The following NDUFA5 variants were observed in gnomAD, a reference collection of about 807,000 sequenced individuals.
NDUFA5 encodes the protein NADH:ubiquinone oxidoreductase subunit A5, also known as NADH dehydrogenase [ubiquinone] 1 alpha subcomplex subunit 5.
NDUFA5 carries 11 observed loss-of-function variants against 19.8 expected under a neutral mutation model. That is an observed-to-expected ratio of 0.56 (90% CI 0.35 to 0.92). The LOEUF (loss-of-function observed/expected upper bound fraction) is 0.92, where lower values mean the gene tolerates loss of function less well. Among genes scored for constraint, NDUFA5 ranks in the 40% least tolerant of loss-of-function variants. The pLI, the probability that NDUFA5 is intolerant of heterozygous loss-of-function variation, is 0.01. For synonymous variants in NDUFA5, 47 were observed against 46.8 expected (o/e 1.00, Z -0.01); for missense variants, 109 against 134.2 (o/e 0.81, Z 0.93).
At chr7:123,588,956 A>G in the NDUFA5 span, among the ~76,000 whole-genome samples, 1 of 151,766 alleles carries the variant, frequency 6.6e-6, no homozygotes, top group Non-Finnish European at 1.5e-5. Flanking sequence ...CAATCTAGTT[A>G]AATTTCTTAA....
At chr7:123,583,094 AATG>A in the NDUFA5 span, among the ~76,000 whole-genome samples, 1 of 152,022 alleles carries the variant, frequency 6.6e-6, no homozygotes, top group African/African-American at 2.4e-5. Context: ...GAGAACATAA[AATG>A]ATAACATTGT....
the NDUFA5 span, among the ~76,000 whole-genome samples, chr7:123,571,349 G>A: frequency 2.0e-4 from 30 of 152,194 alleles, no homozygotes; most frequent in South Asian, 4.2e-4. Flanking sequence ...ACAAGTGTAA[G>A]GTCAATCTAT....
the NDUFA5 span, among the ~76,000 whole-genome samples, chr7:123,574,073 C>G: frequency 6.6e-6 from 1 of 152,136 alleles, no homozygotes; most frequent in Non-Finnish European, 1.5e-5. Flanking sequence ...CAGTCTATTT[C>G]CACATGATTG....
At chr7:123,565,786 G>A in the NDUFA5 span, among the ~76,000 whole-genome samples, 1 of 152,210 alleles carries the variant, frequency 6.6e-6, no homozygotes, top group Non-Finnish European at 1.5e-5. Context: ...GGAGGCCAAG[G>A]CGGGTGGATT....
chr7:123,562,690 G>C (rs1484184406), upstream of NDUFA5, among the ~76,000 whole-genome samples: 1 of 152,168 alleles, frequency 6.6e-6, no homozygotes, highest in Non-Finnish European at 1.5e-5. Flanking sequence ...CTCTGGATTA[G>C]GTTTTGGCTT....
At chr7:123,582,195 A>T in the NDUFA5 span, among the ~76,000 whole-genome samples, 1 of 151,918 alleles carries the variant, frequency 6.6e-6, no homozygotes, top group Non-Finnish European at 1.5e-5. Flanking sequence ...GGCCCAGACC[A>T]CTTTGAGGGA....
At chr7:123,551,000 A>T (rs1370190606) in intron 2 of NDUFA5, among the ~76,000 whole-genome samples, 1 of 152,126 alleles carries the variant, frequency 6.6e-6, no homozygotes, top group Admixed American at 6.5e-5. Context: ...ATCTTGGCTC[A>T]TTGCAACCTC....
the NDUFA5 span, among the ~76,000 whole-genome samples, chr7:123,580,439 C>T: frequency 2.0e-5 from 3 of 152,018 alleles, no homozygotes; most frequent in South Asian, 2.1e-4. Context: ...AGCCACTTGA[C>T]CAAAAACTGC....
chr7:123,597,301 T>TA, the NDUFA5 span, among the ~76,000 whole-genome samples: 1 of 152,212 alleles, frequency 6.6e-6, no homozygotes, highest in Non-Finnish European at 1.5e-5. Flanking sequence ...ATCATGATGG[T>TA]ATCACAGTGT....
the NDUFA5 span, among the ~76,000 whole-genome samples, chr7:123,590,115 CT>C: frequency 2.0e-5 from 3 of 152,112 alleles, no homozygotes; most frequent in Non-Finnish European, 2.9e-5. Flanking sequence ...GCATAAATGT[CT>C]TCTTTTGAGA....
the NDUFA5 span, among the ~76,000 whole-genome samples, chr7:123,574,964 G>A: frequency 6.6e-6 from 1 of 151,728 alleles, no homozygotes; most frequent in South Asian, 2.1e-4. Context: ...AAAATATGGA[G>A]ACAGATGTAA....
the NDUFA5 span, among the ~76,000 whole-genome samples, chr7:123,588,355 T>A: frequency 6.6e-6 from 1 of 151,760 alleles, no homozygotes; most frequent in Non-Finnish European, 1.5e-5. Flanking sequence ...TTTGTATTTC[T>A]GTATTTTTAT....
Position 123,540,934 on chromosome 7 carries a change from A to ACACACG in NDUFA5, c.*1184_*1185insCGTGTG. ...CACACACACACACACACACACACACACGTATACACAAAACCCCACAAGAGT... is the reference window on the plus strand; with the variant it reads ...CACACACACACACACACACACACACACACACGCGTATACACAAAACCCCACAAGAGT... On this transcript the variant is annotated 3_prime_UTR_variant, in exon 5 of 5. Coordinates refer to ENST00000355749, the MANE Select transcript of NDUFA5 (RefSeq NM_005000.5). 6.6e-6 allele frequency: 1 copy of ACACACG among 151,156 alleles called. No homozygotes were observed. Among genetic ancestry groups the ACACACG allele is most frequent in the Non-Finnish European group, 1.5e-5 (1 of 68,110 alleles). The allele number at this position is 151,156 out of a possible 1,614,324, so 9.4% of individuals were successfully genotyped here.
In NDUFA5 at chr7:123,538,551, A is replaced by AGTTTTT. The variant is rs1011421506; in HGVS notation, c.*3562_*3567dup. The stretch of plus-strand genomic sequence containing the variant: ...TAGGCTACAATCTCACTGAACACTT[A>AGTTTTT]GTTTTTGTTTTTGTTTTTAGTAGAG... On this transcript the variant is annotated 3_prime_UTR_variant, in exon 5 of 5. Transcript: ENST00000355749. The AGTTTTT allele has an allele frequency of 6.6e-6, 1 of 152,138 alleles. No individual in the cohort carries two copies. Among genetic ancestry groups the AGTTTTT allele is most frequent in the South Asian group, 2.1e-4 (1 of 4,836 alleles). 9.4% of individuals were successfully genotyped at this position (152,138 alleles called of 1,614,324 possible).
chr7:123,559,067 C>G (rs1798650965), upstream of NDUFA5, among the ~76,000 whole-genome samples: 1 of 151,474 alleles, frequency 6.6e-6, no homozygotes, highest in Admixed American at 6.6e-5. Context: ...AATTGGCAAA[C>G]CTTTAGTGAA....
chr7:123,544,164 T>C (rs761873227), intron 4 of NDUFA5, among the ~76,000 whole-genome samples: 17 of 152,202 alleles, frequency 1.1e-4, no homozygotes, highest in Non-Finnish European at 5.9e-5. Flanking sequence ...ACCTATAATA[T>C]GAGGGTTGTA....
chr7:123,596,404 GA>G, the NDUFA5 span: 1 of 151,962 alleles, frequency 6.6e-6, no homozygotes, highest in Non-Finnish European at 1.5e-5. Context: ...TCAGGAGTTT[GA>G]AACCAGCCTG....
chr7:123,591,263 C>T, the NDUFA5 span, among the ~76,000 whole-genome samples: 99 of 152,250 alleles, frequency 6.5e-4, no homozygotes, highest in Admixed American at 1.1e-3. Flanking sequence ...AATTTGACTT[C>T]CTCTTTTCCT....
At chr7:123,582,258 G>T in the NDUFA5 span, among the ~76,000 whole-genome samples, 1 of 151,846 alleles carries the variant, frequency 6.6e-6, no homozygotes, top group Non-Finnish European at 1.5e-5. Context: ...GGAAGGATGT[G>T]TGACAATGGG....
Sources: allele counts gnomAD v4.1 joint callset (sites outside exome capture counted in the v4.1 genomes callset), GRCh38; gene constraint gnomAD v4.1.1; transcripts MANE v1.5; gene names NCBI Gene and HGNC (gene_info 2026-07-23, HGNC 2026-07-21).